ESYT2: variants seen among roughly 807,000 people sequenced by gnomAD.
The protein encoded by ESYT2 is extended synaptotagmin 2.
ESYT2 carries 54 observed loss-of-function variants against 107.2 expected under a neutral mutation model. The observed-to-expected ratio is 0.50, with a 90% CI of 0.40 to 0.63. The LOEUF (loss-of-function observed/expected upper bound fraction) is 0.63. ESYT2 is among the 30% of genes least tolerant of loss of function. ESYT2 has a pLI of 0.00. For synonymous variants in ESYT2, 491 were observed against 434.1 expected (o/e 1.13, Z -1.63); for missense variants, 1,020 against 1,094.5 (o/e 0.93, Z 0.96).
At chr7:158,796,446 T>C (rs763839358) in intron 3 of ESYT2, among the ~76,000 whole-genome samples, 2 of 152,236 alleles carry the variant, frequency 1.3e-5, no homozygotes, top group African/African-American at 2.4e-5. Context: ...GAGTCATTAG[T>C]AGTTTTGTTT....
At chr7:158,808,900 C>T (rs1839909336) in intron 1 of ESYT2, among the ~76,000 whole-genome samples, 1 of 151,936 alleles carries the variant, frequency 6.6e-6, no homozygotes, top group South Asian at 2.1e-4. Flanking sequence ...TGCTTGAACT[C>T]GGGTGGCAGA....
intron 14 of ESYT2, among the ~76,000 whole-genome samples, chr7:158,750,904 C>G (rs1303409292): frequency 5.3e-5 from 8 of 152,176 alleles, no homozygotes. Flanking sequence ...GGCAGATCCC[C>G]AGGCCAGAAC....
intron 10 of ESYT2, 147 bp downstream of exon 10, chr7:158,762,936 A>C (rs1838023522): frequency 1.9e-6 from 1 of 515,408 alleles, no homozygotes; most frequent in Non-Finnish European, 3.4e-6. Context: ...GTTTTAAGAA[A>C]TCCAAGGTGA....
rs182269846 is a variant in ESYT2 at position 158,756,715 on chromosome 7, C to T, written c.1419+2771G>A. On this transcript the variant is annotated intron_variant, in intron 13 of 22. Coordinates refer to ENST00000275418, the MANE Select transcript of ESYT2 (RefSeq NM_001367773.1). The stretch of plus-strand genomic sequence containing the variant: ...CCTGAGATCAGGAGTTGGAGACCAG[C>T]CTGGTCAGCATGGTGAAACCCTGTC... 2.0e-3 allele frequency among the ~76,000 whole-genome samples: 306 copies of T among 152,030 alleles called. 1 individual carries two copies. Among genetic ancestry groups the T allele is most frequent in the African/African-American group, 7.0e-3 (292 of 41,480 alleles).
At chr7:158,762,878 T>A (rs1587405371) in intron 10 of ESYT2, among the ~76,000 whole-genome samples, 1 of 152,224 alleles carries the variant, frequency 6.6e-6, no homozygotes, top group African/African-American at 2.4e-5. Flanking sequence ...ACAGCACAGA[T>A]CTAGAAGACT....
At chr7:158,763,319 G>A (rs777593893) in intron 9 of ESYT2, among the ~76,000 whole-genome samples, 154 bp from the exon 10 acceptor site, 2 of 151,892 alleles carry the variant, frequency 1.3e-5, no homozygotes, top group Non-Finnish European at 2.9e-5. Flanking sequence ...TCTGGAGATG[G>A]AGTCTCGCTC....
intron 1 of ESYT2, among the ~76,000 whole-genome samples, chr7:158,820,353 A>T (rs1840256368): frequency 6.6e-6 from 1 of 152,200 alleles, no homozygotes; most frequent in South Asian, 2.1e-4. Context: ...CTAAGAGTAG[A>T]TTTTCTAGTG....
In ESYT2 at chr7:158,749,201, G is replaced by A. The variant is rs368718302; in HGVS notation, c.1557+448C>T. ...GGCTCACTGCAACCTCTGCCTCCCG[G>A]GTTCAAGCGATTCTCCTGCCTCAGC... On this transcript the variant is annotated intron_variant, in intron 15 of 22. Transcript: ENST00000275418. Among the ~76,000 whole-genome samples, 35 of 152,126 alleles carry A rather than the reference G, an allele frequency of 2.3e-4. 1 individual carries two copies. Among genetic ancestry groups the A allele is most frequent in the South Asian group, 2.1e-3 (10 of 4,822 alleles).
At position 158,731,666 on chromosome 7, in the gene ESYT2, G is replaced by A. The variant is rs1400580975; in HGVS notation, c.*2541C>T. On this transcript the variant is annotated 3_prime_UTR_variant, in exon 23 of 23. Coordinates refer to ENST00000275418, the MANE Select transcript of ESYT2 (RefSeq NM_001367773.1). ...CTTCCTACTTTAAGGCACAGGATCA[G>A]GATAAGAACCCACATGTACGAGCTA... is the stretch of plus-strand genomic sequence containing the variant. 2 of 152,594 alleles carry A rather than the reference G, an allele frequency of 1.3e-5. No individual in the cohort carries two copies. The highest frequency in any genetic ancestry group is 4.8e-5 in the African/African-American group (2 of 41,430). The allele number at this position is 152,594 out of a possible 1,614,324, so 9.5% of individuals were successfully genotyped here. A position where few individuals can be genotyped will look rare whatever the true frequency, so the allele number is the denominator to read the frequency against.
chr7:158,737,315 G>T, intron 19 of ESYT2, 136 bp from the exon 20 acceptor site: 1 of 1,201,788 alleles, frequency 8.3e-7, no homozygotes, highest in Non-Finnish European at 1.1e-6. Context: ...CAGAATGCGT[G>T]AGGCGCTTTT....
Position 158,767,676 on chromosome 7 carries a change from T to A in ESYT2, c.902A>T (p.Gln301Leu). 8 of 1,612,580 alleles carry A rather than the reference T, an allele frequency of 5.0e-6. No individual in the cohort carries two copies. The Middle Eastern group carries it at 1.2e-3, about 234-fold the overall frequency. Residue 301 changes from glutamine (Q) to leucine (L), a missense_variant, in exon 8 of 23, where the codon CAG (glutamine) becomes CTG (leucine). Coordinates refer to ENST00000275418, the MANE Select transcript of ESYT2 (RefSeq NM_001367773.1). ...TACCTTTGGTACAGGAAACCGCAAC[T>A]GAGCTATTTGAACTTCACTGACAAG... is the stretch of plus-strand genomic sequence containing the variant. Reference protein sequence around the residue: ...VPLVSEVQIAQLRFPVPKGVL... With the variant: ...VPLVSEVQIALLRFPVPKGVL...
Position 158,788,072 on chromosome 7 carries a change from T to G in ESYT2, c.679A>C (p.Ile227Leu). The G allele has an allele frequency of 6.2e-7, 1 of 1,614,116 alleles. No homozygotes were observed. The highest frequency in any genetic ancestry group is 8.5e-7 in the Non-Finnish European group (1 of 1,179,982). Reference sequence around the variant, plus strand: ...ATATCTCCAATCAACGGTTCCAGGATCACCCGCATGGTACCATGAATCTAA... The same window carrying G: ...ATATCTCCAATCAACGGTTCCAGGAGCACCCGCATGGTACCATGAATCTAA... ...SIQIHGTMRVILEPLIGDMPL... is the reference protein window; with the variant it reads ...SIQIHGTMRVLLEPLIGDMPL... Residue 227 changes from isoleucine to leucine, a missense_variant, in exon 6 of 23, where the codon ATC becomes CTC. Physicochemically the swap from Ile to Leu is conservative, Grantham distance 5. Transcript: ENST00000275418.
chr7:158,786,373 A>C (rs1287418025), intron 6 of ESYT2, among the ~76,000 whole-genome samples: 2 of 152,186 alleles, frequency 1.3e-5, no homozygotes, highest in Non-Finnish European at 2.9e-5. Context: ...TTTTTTGGTC[A>C]CTAATGAAGT....
At chr7:158,804,166 G>A (rs1409149623) in intron 1 of ESYT2, among the ~76,000 whole-genome samples, 1 of 50,500 alleles carries the variant, frequency 2.0e-5, no homozygotes. Flanking sequence ...CCGTCGAGAA[G>A]GGTGAGGCGC....
rs1412361686 is a variant in ESYT2 at position 158,788,836 on chromosome 7, A to AT, written c.585-420_585-419insA. The stretch of plus-strand genomic sequence containing the variant: ...TAAAAAGTTTAATTTTATTTCACAC[A>AT]AATAAATTTCACACCTTGCTTCCCA... On this transcript the variant is annotated intron_variant, in intron 4 of 22. Coordinates refer to ENST00000275418, the MANE Select transcript of ESYT2 (RefSeq NM_001367773.1). Among the ~76,000 whole-genome samples the AT allele has an allele frequency of 2.0e-5, 3 of 152,238 alleles. No individual in the cohort carries two copies. In the East Asian group the frequency reaches 5.8e-4, roughly 29 times the overall value.
At chr7:158,759,622 C>T (rs1308167775) in intron 12 of ESYT2, 41 bp from the exon 13 acceptor site, 1 of 1,523,068 alleles carries the variant, frequency 6.6e-7, no homozygotes, top group South Asian at 1.1e-5. Context: ...CATGTTTCCA[C>T]AGGATTAGAT....
At chr7:158,811,558 C>T (rs1285213629) in intron 1 of ESYT2, among the ~76,000 whole-genome samples, 1 of 152,230 alleles carries the variant, frequency 6.6e-6, no homozygotes, top group African/African-American at 2.4e-5. Context: ...CACACAGGCG[C>T]ATGAACACAA....
chr7:158,735,709 G>GT, intron 20 of ESYT2, 101 bp from the exon 21 acceptor site: 2 of 1,028,892 alleles, frequency 1.9e-6, no homozygotes, highest in Non-Finnish European at 2.9e-6. Context: ...CAAATGTCAT[G>GT]TTTGTTTTTT....
chr7:158,772,219 C>T (rs1031017819), intron 7 of ESYT2, among the ~76,000 whole-genome samples: 8 of 152,052 alleles, frequency 5.3e-5, no homozygotes, highest in African/African-American at 1.9e-4. Flanking sequence ...TTTAACCAAT[C>T]TTTTAAAGTT....
Sources: allele counts gnomAD v4.1 joint callset (sites outside exome capture counted in the v4.1 genomes callset), GRCh38; gene constraint gnomAD v4.1.1; transcripts MANE v1.5; gene names NCBI Gene and HGNC (gene_info 2026-07-23, HGNC 2026-07-21).